CORIN: variants seen among roughly 807,000 people sequenced by gnomAD.
CORIN encodes corin, serine peptidase.
CORIN carries 117 observed loss-of-function variants against 125.3 expected under a neutral mutation model. The observed-to-expected ratio is 0.93, with a 90% CI of 0.80 to 1.09. CORIN has a LOEUF of 1.09. CORIN is among the 50% of genes least tolerant of loss of function. CORIN has a pLI of 0.00. For missense variants in CORIN, 1,253 were observed against 1,306.7 expected, an observed-to-expected ratio of 0.96 and a Z score of 0.63; for synonymous variants, 450 against 466.4, an observed-to-expected ratio of 0.96 and a Z score of 0.45.
At chr4:47,693,180 T>G in intron 5 of CORIN, 97 bp from the exon 6 acceptor site, 1 of 793,592 alleles carries the variant, frequency 1.3e-6, no homozygotes, top group Non-Finnish European at 2.0e-6. Flanking sequence ...TCTTTTGCTA[T>G]TCAACAGATT....
At chr4:47,704,709 T>C (rs1427020645) in intron 5 of CORIN, among the ~76,000 whole-genome samples, 2 of 152,162 alleles carry the variant, frequency 1.3e-5, no homozygotes, top group Non-Finnish European at 1.5e-5. Flanking sequence ...GAGTCTCCTC[T>C]AAAAACACGC....
At chr4:47,669,913 G>A (rs1156322744) in intron 10 of CORIN, among the ~76,000 whole-genome samples, 1 of 152,154 alleles carries the variant, frequency 6.6e-6, no homozygotes, top group Non-Finnish European at 1.5e-5. Flanking sequence ...CCTGGATATT[G>A]TAATTTAGGC....
In CORIN at chr4:47,763,439, TG is replaced by T. The variant is rs1560537904; in HGVS notation, c.556del (p.His186IlefsTer45). The T allele has an allele frequency of 8.7e-6, 14 of 1,614,158 alleles. No individual in the cohort carries two copies. Among genetic ancestry groups the T allele is most frequent in the Non-Finnish European group, 1.2e-5 (14 of 1,180,026 alleles). On this transcript the variant is annotated frameshift_variant, in exon 4 of 22. Coordinates refer to ENST00000273857, the MANE Select transcript of CORIN (RefSeq NM_006587.4). LOFTEE classifies it high-confidence loss of function. Reference sequence around the variant, plus strand: ...GAGGGTACAGCCAAACAGCATGATATGTTGATAGCAACTGAGGCGATGGAGA... The same window carrying T: ...GAGGGTACAGCCAAACAGCATGATATTTGATAGCAACTGAGGCGATGGAGA... ...TYLHRLSCYQ[H>X]IMLFGCTLAF... is the part of the protein sequence containing the mutation.
chr4:47,701,991 C>T (rs1726314088), intron 5 of CORIN, among the ~76,000 whole-genome samples: 1 of 152,016 alleles, frequency 6.6e-6, no homozygotes, highest in African/African-American at 2.4e-5. Flanking sequence ...AACTTTTTTG[C>T]TTATTATCTA....
chr4:47,739,206 AC>A (rs1728271520), intron 5 of CORIN, among the ~76,000 whole-genome samples: 1 of 142,698 alleles, frequency 7.0e-6, no homozygotes, highest in South Asian at 2.2e-4. Context: ...ACAAAGAAGT[AC>A]AAAAATTCAA....
intron 4 of CORIN, among the ~76,000 whole-genome samples, chr4:47,757,878 G>GTA (rs59621469): frequency 0.19 from 23,867 of 123,320 alleles, 2,102 homozygotes; most frequent in Admixed American, 0.22. Context: ...ATATATATAT[G>GTA]TATATATATA....
At chr4:47,743,105 TA>T (rs1480941071) in intron 5 of CORIN, among the ~76,000 whole-genome samples, 1 of 151,984 alleles carries the variant, frequency 6.6e-6, no homozygotes, top group Admixed American at 6.6e-5. Context: ...ATAGTAGATG[TA>T]AAACTGAATG....
At chr4:47,770,997 A>G (rs1730001559) in intron 3 of CORIN, among the ~76,000 whole-genome samples, 1 of 152,220 alleles carries the variant, frequency 6.6e-6, no homozygotes, top group Admixed American at 6.5e-5. Flanking sequence ...TGCCCTGTAC[A>G]CTTTGAAAAT....
At chr4:47,766,504 G>A (rs983454382) in intron 3 of CORIN, among the ~76,000 whole-genome samples, 57 of 152,260 alleles carry the variant, frequency 3.7e-4, no homozygotes, top group African/African-American at 1.3e-3. Flanking sequence ...CTAGTTGCAT[G>A]AGAGGCTAGG....
intron 3 of CORIN, among the ~76,000 whole-genome samples, chr4:47,766,783 TA>T (rs1242571583): frequency 1.3e-5 from 2 of 151,674 alleles, no homozygotes; most frequent in Non-Finnish European, 2.9e-5. Flanking sequence ...CCATCTCTAG[TA>T]AAAATACAAA....
At chr4:47,683,665 G>GT in intron 7 of CORIN, 66 bp downstream of exon 7, 1 of 1,162,676 alleles carries the variant, frequency 8.6e-7, no homozygotes, top group Non-Finnish European at 1.3e-6. Flanking sequence ...ATAATGAACT[G>GT]TAAGTTTTTG....
intron 13 of CORIN, among the ~76,000 whole-genome samples, chr4:47,650,802 TC>T (rs1327891037): frequency 6.6e-6 from 1 of 152,204 alleles, no homozygotes; most frequent in African/African-American, 2.4e-5. Flanking sequence ...ATGCAGTACT[TC>T]TGTACTGACA....
chr4:47,818,717 G>C (rs1437291777), intron 1 of CORIN, among the ~76,000 whole-genome samples: 1 of 151,768 alleles, frequency 6.6e-6, no homozygotes, highest in Non-Finnish European at 1.5e-5. Flanking sequence ...TAACAAAAAT[G>C]CAAAAATTAG....
intron 20 of CORIN, 46 bp from the exon 21 acceptor site, chr4:47,600,393 T>C: frequency 6.9e-7 from 1 of 1,452,692 alleles, no homozygotes; most frequent in Non-Finnish European, 9.3e-7. Flanking sequence ...ATAAAATGAC[T>C]CAAAAGTGAG....
intron 10 of CORIN, among the ~76,000 whole-genome samples, chr4:47,667,944 G>A (rs1181410872): frequency 6.6e-6 from 1 of 152,146 alleles, no homozygotes; most frequent in Non-Finnish European, 1.5e-5. Context: ...AGGTGATTGA[G>A]TTATAAGGGT....
intron 5 of CORIN, among the ~76,000 whole-genome samples, chr4:47,698,400 T>G (rs1726133122): frequency 6.6e-6 from 1 of 151,608 alleles, no homozygotes; most frequent in Non-Finnish European, 1.5e-5. Flanking sequence ...AGTGCAAAGT[T>G]CCTCCGGCAA....
chr4:47,674,421 A>G lies in CORIN; in HGVS notation c.1329T>C (p.Cys443=). Residue 443 remains cysteine, a synonymous_variant, in exon 10 of 22, where the codon TGT becomes TGC. Coordinates refer to ENST00000273857, the MANE Select transcript of CORIN (RefSeq NM_006587.4). The part of the protein sequence containing the change: ...CLDSCGGSSL[C]DPNNSLNNCS... ...AGTTATTCAGACTGTTGTTCGGGTC[A>G]CAGAGAGAGCTACCACCACATGAAT... The G allele has an allele frequency of 1.2e-6, 2 of 1,613,760 alleles. No individual in the cohort carries two copies. The highest frequency in any genetic ancestry group is 1.7e-6 in the Non-Finnish European group (2 of 1,179,654).
At chr4:47,670,634 A>G (rs1052103994) in intron 10 of CORIN, among the ~76,000 whole-genome samples, 2 of 152,236 alleles carry the variant, frequency 1.3e-5, no homozygotes. Flanking sequence ...GGCCTGGGAC[A>G]TGACAGCCAT....
chr4:47,672,467 C>T (rs900674200), intron 10 of CORIN, among the ~76,000 whole-genome samples: 2 of 152,192 alleles, frequency 1.3e-5, no homozygotes, highest in Non-Finnish European at 2.9e-5. Context: ...CAAACAACCC[C>T]CAAAACTTTA....
Sources: allele counts gnomAD v4.1 joint callset (sites outside exome capture counted in the v4.1 genomes callset), GRCh38; gene constraint gnomAD v4.1.1; transcripts MANE v1.5; gene names NCBI Gene and HGNC (gene_info 2026-07-23, HGNC 2026-07-21).